Variants in RGS8 observed in about 807,000 individuals in gnomAD.
RGS8 encodes regulator of G-protein signaling 8.
In RGS8, 8 loss-of-function variants were observed where a neutral mutation model predicts 21.7. The observed-to-expected ratio is 0.37, with a 90% CI of 0.22 to 0.66. The LOEUF is 0.66. Ranked by LOEUF, RGS8 falls within the 30% of genes least tolerant of loss-of-function variation. The probability of loss-of-function intolerance (pLI) is 0.59; values close to 1 mark genes in which losing one functional copy is unlikely to be tolerated. For missense variants in RGS8, 157 were observed against 217.9 expected (o/e 0.72, Z 1.76); for synonymous variants, 80 against 83.6 (o/e 0.96, Z 0.24).
chr1:182,727,295 C>T, the RGS8 span, among the ~76,000 whole-genome samples: 2 of 152,180 alleles, frequency 1.3e-5, no homozygotes, highest in African/African-American at 4.8e-5. Context: ...ATAGCCAGAC[C>T]TCATGGGACT....
At chr1:182,743,480 C>T in the RGS8 span, among the ~76,000 whole-genome samples, 26 of 152,218 alleles carry the variant, frequency 1.7e-4, no homozygotes, top group Non-Finnish European at 3.2e-4. Context: ...CTATATGTCA[C>T]GCAAAGTTAG....
chr1:182,652,706 T>C (rs552915143), intron 5 of RGS8, among the ~76,000 whole-genome samples: 3 of 152,186 alleles, frequency 2.0e-5, no homozygotes, highest in African/African-American at 7.2e-5. Flanking sequence ...AACATAATGA[T>C]GATGATTATG....
chr1:182,743,887 G>A, the RGS8 span, among the ~76,000 whole-genome samples: 1 of 152,042 alleles, frequency 6.6e-6, no homozygotes, highest in African/African-American at 2.4e-5. Flanking sequence ...AGACACATGT[G>A]CATATATGTA....
At chr1:182,676,227 T>C (rs1168978181), upstream of RGS8, among the ~76,000 whole-genome samples, 2 of 152,204 alleles carry the variant, frequency 1.3e-5, no homozygotes, top group East Asian at 1.9e-4. Context: ...GGAGTTTAAA[T>C]TTGCAATATA....
At chr1:182,721,604 G>C in the RGS8 span, among the ~76,000 whole-genome samples, 1 of 152,098 alleles carries the variant, frequency 6.6e-6, no homozygotes, top group Non-Finnish European at 1.5e-5. Context: ...TGGAGCCAGG[G>C]ATATTGACTT....
chr1:182,670,861 A>G (rs1664124543), intron 2 of RGS8, among the ~76,000 whole-genome samples: 2 of 152,132 alleles, frequency 1.3e-5, no homozygotes, highest in African/African-American at 4.8e-5. Context: ...TCTCCTAACC[A>G]GGCTTACACT....
upstream of RGS8, among the ~76,000 whole-genome samples, chr1:182,687,332 C>G (rs1294280252): frequency 1.3e-5 from 2 of 152,194 alleles, no homozygotes; most frequent in African/African-American, 4.8e-5. Context: ...CCTGAGGGCT[C>G]CAGGAATTTG....
At chr1:182,665,314 T>C (rs1663801207) in intron 5 of RGS8, among the ~76,000 whole-genome samples, 1 of 152,194 alleles carries the variant, frequency 6.6e-6, no homozygotes, top group South Asian at 2.1e-4. Flanking sequence ...GTTTGGCTGA[T>C]ATCAAATTGC....
the RGS8 span, among the ~76,000 whole-genome samples, chr1:182,739,629 CCT>C: frequency 1.3e-5 from 2 of 152,140 alleles, no homozygotes; most frequent in African/African-American, 2.4e-5. Flanking sequence ...CAGGCCTCCC[CCT>C]GTCCCATAGC....
the RGS8 span, among the ~76,000 whole-genome samples, chr1:182,741,085 G>C: frequency 6.6e-6 from 1 of 151,932 alleles, no homozygotes; most frequent in Non-Finnish European, 1.5e-5. Context: ...CTCCCAGACG[G>C]GGTGGTGGCC....
chr1:182,740,475 C>T, the RGS8 span, among the ~76,000 whole-genome samples: 1 of 150,046 alleles, frequency 6.7e-6, no homozygotes, highest in Non-Finnish European at 1.5e-5. Flanking sequence ...AAAGGTCGTA[C>T]ATCTATTAAG....
the RGS8 span, among the ~76,000 whole-genome samples, chr1:182,742,318 C>G: frequency 1.3e-4 from 19 of 151,742 alleles, no homozygotes; most frequent in African/African-American, 4.6e-4. Context: ...GGAGACGCTC[C>G]TCACTTCCCA....
the RGS8 span, among the ~76,000 whole-genome samples, chr1:182,702,828 T>G: frequency 2.0e-5 from 3 of 152,210 alleles, no homozygotes; most frequent in Non-Finnish European, 2.9e-5. Context: ...GTAAAAAGTT[T>G]TGTTCTTTAT....
chr1:182,675,620 T>C (rs1443542112), upstream of RGS8, among the ~76,000 whole-genome samples: 1 of 152,218 alleles, frequency 6.6e-6, no homozygotes, highest in African/African-American at 2.4e-5. Flanking sequence ...ATTCCTCTGC[T>C]GTCCCTTCTG....
intron 5 of RGS8, among the ~76,000 whole-genome samples, chr1:182,665,221 C>T (rs992779351): frequency 3.9e-5 from 6 of 152,198 alleles, no homozygotes; most frequent in South Asian, 2.1e-4. Flanking sequence ...CCCTGCTCTG[C>T]CTTGCCCAGG....
At chr1:182,695,377 C>G in the RGS8 span, among the ~76,000 whole-genome samples, 3 of 152,128 alleles carry the variant, frequency 2.0e-5, no homozygotes, top group Non-Finnish European at 4.4e-5. Flanking sequence ...TGAAGAAAAA[C>G]AAACCTTCCT....
At chr1:182,741,489 G>A in the RGS8 span, among the ~76,000 whole-genome samples, 13 of 137,674 alleles carry the variant, frequency 9.4e-5, no homozygotes, top group Non-Finnish European at 1.8e-4. Flanking sequence ...GCGGCTGGCC[G>A]GGCGGGGGGC....
the RGS8 span, among the ~76,000 whole-genome samples, chr1:182,697,476 CTT>C: frequency 1.3e-5 from 2 of 152,198 alleles, no homozygotes; most frequent in African/African-American, 4.8e-5. Context: ...TAATCTTTCT[CTT>C]GTCTTGAATA....
chr1:182,695,911 C>T, the RGS8 span, among the ~76,000 whole-genome samples: 1 of 152,170 alleles, frequency 6.6e-6, no homozygotes, highest in African/African-American at 2.4e-5. Context: ...TCCACAGAAT[C>T]GTGCACCTAC....
Sources: gnomAD v4.1 joint callset for allele counts (sites outside exome capture counted in the v4.1 genomes callset) on GRCh38, gnomAD v4.1.1 for gene constraint, MANE v1.5 for transcripts, NCBI Gene and HGNC (gene_info 2026-07-23, HGNC 2026-07-21) for gene names.